Variants in UBAC1 observed in about 807,000 individuals in gnomAD.
UBAC1 encodes ubiquitin-associated domain-containing protein 1.
Under a neutral mutation model 45.9 loss-of-function variants are expected in UBAC1, and 27 were observed. The observed-to-expected ratio is 0.59, with a 90% CI of 0.43 to 0.81. The LOEUF (loss-of-function observed/expected upper bound fraction) is 0.81, where lower values mean the gene tolerates loss of function less well. Ranked by LOEUF, UBAC1 falls within the 30% of genes least tolerant of loss-of-function variation. The probability of loss-of-function intolerance (pLI) is 0.00; values close to 1 mark genes in which losing one functional copy is unlikely to be tolerated. For synonymous variants in UBAC1, 227 were observed against 215.5 expected (o/e 1.05, Z -0.47); for missense variants, 529 against 539.2 (o/e 0.98, Z 0.19).
Position 135,961,038 on chromosome 9 carries a change from C to A in UBAC1, c.125G>T (p.Arg42Leu). ...GCCCGGCCTTACGTGCTTGAGGCAG[C>A]GCTCCTTGAGCTTCTCCACCGAGGT... ...EDTSVEKLKE[R>L]CLKHCAHGSL... Residue 42 changes from arginine (R) to leucine (L), a missense_variant, in exon 1 of 10, where the codon CGC becomes CTC. Physicochemically the swap from Arg to Leu is moderately radical, Grantham distance 102. Transcript: ENST00000371756. 1.3e-6 allele frequency: 2 copies of A among 1,569,098 alleles called. No homozygotes were observed. The highest frequency in any genetic ancestry group is 1.7e-6 in the Non-Finnish European group (2 of 1,163,352).
At position 135,933,276 on chromosome 9, in the gene UBAC1, C is replaced by A. The variant is rs1021448068; in HGVS notation, c.*124G>T. The A allele has an allele frequency of 6.9e-6, 5 of 722,074 alleles. No individual in the cohort carries two copies. The highest frequency in any genetic ancestry group is 1.7e-5 in the South Asian group (1 of 58,832). 44.7% of individuals were successfully genotyped at this position (722,074 alleles called of 1,614,324 possible). A position where few individuals can be genotyped will look rare whatever the true frequency, so the allele number is the denominator to read the frequency against. ...TAAGATCAGAGAGCAGGAGCAGCTG[C>A]AGCACCTCTAACAGTCCAGGGCTGA... On this transcript the variant is annotated 3_prime_UTR_variant, in exon 10 of 10. Transcript: ENST00000371756.
chr9:135,934,298 T>C (rs1839180387), intron 9 of UBAC1, among the ~76,000 whole-genome samples: 1 of 152,270 alleles, frequency 6.6e-6, no homozygotes, highest in East Asian at 1.9e-4. Context: ...CTGTTCATGA[T>C]TGGACAATCC....
intron 4 of UBAC1, among the ~76,000 whole-genome samples, chr9:135,947,343 C>G (rs7871519): frequency 0.69 from 105,422 of 151,772 alleles, 36,733 homozygotes; most frequent in East Asian, 0.77. Context: ...CCTCCGCCTC[C>G]CGGGTTCAAG....
chr9:135,943,337 C>T (rs1447040341), intron 7 of UBAC1, among the ~76,000 whole-genome samples: 2 of 152,174 alleles, frequency 1.3e-5, no homozygotes, highest in African/African-American at 4.8e-5. Context: ...AGGAAGAATC[C>T]AGCCTGGGCG....
intron 3 of UBAC1, among the ~76,000 whole-genome samples, chr9:135,952,682 G>C (rs1408555404): frequency 6.6e-6 from 1 of 152,234 alleles, no homozygotes; most frequent in Non-Finnish European, 1.5e-5. Context: ...GCCTCTCTCA[G>C]CATTAACAGT....
chr9:135,946,979 A>G (rs1839345390), intron 4 of UBAC1, among the ~76,000 whole-genome samples: 1 of 152,192 alleles, frequency 6.6e-6, no homozygotes, highest in African/African-American at 2.4e-5. Flanking sequence ...GGAGACACAC[A>G]TGCTGGCTGC....
At chr9:135,940,311 G>A (rs2131082994) in intron 7 of UBAC1, among the ~76,000 whole-genome samples, 1 of 151,866 alleles carries the variant, frequency 6.6e-6, no homozygotes, top group Non-Finnish European at 1.5e-5. Context: ...CGGGCGCGGT[G>A]GCTCACACCT....
intron 9 of UBAC1, among the ~76,000 whole-genome samples, chr9:135,936,879 G>A (rs555985431): frequency 1.3e-5 from 2 of 152,296 alleles, no homozygotes; most frequent in Non-Finnish European, 2.9e-5. Flanking sequence ...GCCCATCAGT[G>A]TGAGGAAATA....
In UBAC1 at chr9:135,961,297, G is replaced by C; in HGVS notation, c.-135C>G. On this transcript the variant is annotated 5_prime_UTR_variant, in exon 1 of 10. Transcript: ENST00000371756. Reference sequence around the variant, plus strand: ...CCGCCGCCCCGCCCCGGCTCCCGTCGGCCGGGCCGCCGTCACTCTCCGCGG... The same window carrying C: ...CCGCCGCCCCGCCCCGGCTCCCGTCCGCCGGGCCGCCGTCACTCTCCGCGG... 4 of 744,814 alleles carry C rather than the reference G, an allele frequency of 5.4e-6. No individual in the cohort carries two copies. The highest frequency in any genetic ancestry group is 6.7e-6 in the Non-Finnish European group (4 of 594,468). 46.1% of individuals were successfully genotyped at this position (744,814 alleles called of 1,614,324 possible). A position where few individuals can be genotyped will look rare whatever the true frequency, so the allele number is the denominator to read the frequency against.
intron 1 of UBAC1, among the ~76,000 whole-genome samples, chr9:135,959,534 C>G (rs1194043056): frequency 1.3e-5 from 2 of 152,080 alleles, no homozygotes; most frequent in African/African-American, 4.8e-5. Flanking sequence ...ACCACCACGC[C>G]CCGCTAATTT....
Position 135,953,726 on chromosome 9 carries a change from G to A in UBAC1, c.287C>T (p.Ala96Val), listed in dbSNP as rs761449598. ...QDVLLLIKKR[A>V]PSPLPKMADV... ...AGCCATCTTGGGAAGTGGTGATGGAGCACGCTTTTTTATCAATAATAGGAC... is the reference window on the plus strand; with the variant it reads ...AGCCATCTTGGGAAGTGGTGATGGAACACGCTTTTTTATCAATAATAGGAC... Residue 96 changes from alanine to valine, a missense_variant, in exon 3 of 10, where the codon GCT becomes GTT. Transcript: ENST00000371756. The A allele has an allele frequency of 1.2e-6, 2 of 1,614,004 alleles. No homozygotes were observed. Among genetic ancestry groups the A allele is most frequent in the Admixed American group, 1.7e-5 (1 of 60,012 alleles).
chr9:135,946,444 T>C, intron 4 of UBAC1, 73 bp from the exon 5 acceptor site: 1 of 966,642 alleles, frequency 1.0e-6, no homozygotes, highest in Non-Finnish European at 1.7e-6. Context: ...CTTGCTCCCC[T>C]GTCCTAGAAC....
intron 9 of UBAC1, among the ~76,000 whole-genome samples, chr9:135,935,360 CAT>C (rs1448668909): frequency 1.3e-5 from 2 of 152,346 alleles, no homozygotes; most frequent in African/African-American, 4.8e-5. Flanking sequence ...TTGAAAAACA[CAT>C]GTGCCAGGCA....
At chr9:135,946,079 T>C (rs1416222783) in intron 5 of UBAC1, 82 bp from the exon 6 acceptor site, 1 of 1,373,032 alleles carries the variant, frequency 7.3e-7, no homozygotes, top group East Asian at 2.4e-5. Flanking sequence ...GCAGCAATTA[T>C]CTGTCTGAGC....
intron 3 of UBAC1, among the ~76,000 whole-genome samples, chr9:135,950,344 A>G (rs1327737577): frequency 1.3e-5 from 2 of 152,212 alleles, no homozygotes; most frequent in Non-Finnish European, 2.9e-5. Flanking sequence ...CAGGCTGTGC[A>G]GCAGGCCTGG....
intron 1 of UBAC1, among the ~76,000 whole-genome samples, chr9:135,957,977 T>C (rs564180069): frequency 2.0e-5 from 3 of 151,656 alleles, no homozygotes; most frequent in African/African-American, 7.3e-5. Flanking sequence ...GGTATTGCCA[T>C]GTTGGCCAGG....
intron 9 of UBAC1, among the ~76,000 whole-genome samples, chr9:135,937,786 A>T (rs1021958324): frequency 6.6e-6 from 1 of 152,248 alleles, no homozygotes; most frequent in East Asian, 1.9e-4. Flanking sequence ...ATTCTTCTTT[A>T]AAGTTACATC....
At chr9:135,952,972 T>G (rs1377279333) in intron 3 of UBAC1, among the ~76,000 whole-genome samples, 2 of 152,244 alleles carry the variant, frequency 1.3e-5, no homozygotes, top group Admixed American at 1.3e-4. Flanking sequence ...CCTTATTCTG[T>G]GTGGTGGTTG....
At chr9:135,947,936 G>A in intron 3 of UBAC1, 31 bp from the exon 4 acceptor site, 1 of 1,592,214 alleles carries the variant, frequency 6.3e-7, no homozygotes, top group Non-Finnish European at 8.6e-7. Flanking sequence ...AAAGTCTGAG[G>A]TGAACGTAAG....
Sources: allele counts gnomAD v4.1 joint callset (sites outside exome capture counted in the v4.1 genomes callset), GRCh38; gene constraint gnomAD v4.1.1; transcripts MANE v1.5; gene names NCBI Gene and HGNC (gene_info 2026-07-23, HGNC 2026-07-21).